The following PGR variants were observed in gnomAD, a reference collection of about 807,000 sequenced individuals.
PGR encodes progesterone receptor, also known as nuclear receptor subfamily 3 group C member 3.
Under a neutral mutation model 76.1 loss-of-function variants are expected in PGR, and 25 were observed. The observed-to-expected ratio is 0.33, with a 90% confidence interval of 0.24 to 0.46. The LOEUF (loss-of-function observed/expected upper bound fraction) is 0.46, where lower values mean the gene tolerates loss of function less well. Among genes scored for constraint, PGR ranks in the 20% least tolerant of loss-of-function variants. PGR has a pLI of 1.00. For missense variants in PGR, 1,172 were observed against 1,225.3 expected (o/e 0.96, Z 0.65); for synonymous variants, 579 against 535.0 (o/e 1.08, Z -1.14).
At chr11:101,060,561 T>C (rs1358695147) in intron 4 of PGR, among the ~76,000 whole-genome samples, 1 of 152,192 alleles carries the variant, frequency 6.6e-6, no homozygotes, top group Non-Finnish European at 1.5e-5. Context: ...CTAAAGTACT[T>C]TCTATACATG....
Position 101,030,917 on chromosome 11 carries a change from C to T in PGR, c.*8199G>A, listed in dbSNP as rs766109494. On this transcript the variant is annotated 3_prime_UTR_variant, in exon 8 of 8. Coordinates refer to ENST00000325455, the MANE Select transcript of PGR (RefSeq NM_000926.4). ...GATGTAGGGCAAAGAGGACAAATGC[C>T]TACATTCTGAGACTGAAAGTTGAAG... 1 of 189,818 alleles carries T rather than the reference C, an allele frequency of 5.3e-6. No individual in the cohort carries two copies. The highest frequency in any genetic ancestry group is 1.1e-5 in the Non-Finnish European group (1 of 90,330). 11.8% of individuals were successfully genotyped at this position (189,818 alleles called of 1,614,324 possible).
chr11:101,096,464 C>T (rs538408583), intron 2 of PGR, among the ~76,000 whole-genome samples: 14 of 152,200 alleles, frequency 9.2e-5, no homozygotes, highest in South Asian at 2.1e-4. Context: ...CAACTAGAGC[C>T]GACTAAGGGA....
rs1267850947 is a variant in PGR, at chr11:101,093,255, CCAGTCCTA to C, written c.1790-1387_1790-1380del. On this transcript the variant is annotated intron_variant, in intron 2 of 7. Transcript: ENST00000325455. ...TTTGCTGACTTTTGTGCACATAGTGCCAGTCCTACAGGAGGTTAGCAGAGTGTACTGCA... is the reference window on the plus strand; with the variant it reads ...TTTGCTGACTTTTGTGCACATAGTGCCAGGAGGTTAGCAGAGTGTACTGCA... Among the ~76,000 whole-genome samples, 55 of 152,158 alleles carry C rather than the reference CCAGTCCTA, an allele frequency of 3.6e-4. 1 individual carries two copies. Among genetic ancestry groups the C allele is most frequent in the Admixed American group, 3.3e-3 (51 of 15,282 alleles).
At position 101,038,369 on chromosome 11, in the gene PGR, T is replaced by C. The variant is rs1008486373; in HGVS notation, c.*747A>G. Reference sequence around the variant, plus strand: ...TAGGCCATAATCTTCTGATTTCTTATGTCCACTCGCAATACCTCATTAGAG... The same window carrying C: ...TAGGCCATAATCTTCTGATTTCTTACGTCCACTCGCAATACCTCATTAGAG... On this transcript the variant is annotated 3_prime_UTR_variant, in exon 8 of 8. Coordinates refer to ENST00000325455, the MANE Select transcript of PGR (RefSeq NM_000926.4). 5 of 211,204 alleles carry C rather than the reference T, an allele frequency of 2.4e-5. No individual in the cohort carries two copies. Among genetic ancestry groups the C allele is most frequent in the Non-Finnish European group, 3.8e-5 (4 of 104,032 alleles). The allele number at this position is 211,204 out of a possible 1,614,324, so 13.1% of individuals were successfully genotyped here.
intron 4 of PGR, among the ~76,000 whole-genome samples, chr11:101,061,021 AG>A (rs1237461098): frequency 1.3e-5 from 2 of 152,218 alleles, no homozygotes; most frequent in Non-Finnish European, 2.9e-5. Context: ...TAAATAGTAA[AG>A]AACCTCCAAA....
intron 2 of PGR, among the ~76,000 whole-genome samples, chr11:101,112,753 T>C (rs1052197101): frequency 6.6e-6 from 1 of 152,190 alleles, no homozygotes; most frequent in Non-Finnish European, 1.5e-5. Context: ...AGCTAGCAAG[T>C]ATCTACTCTC....
At chr11:101,099,173 C>A (rs1861923913) in intron 2 of PGR, among the ~76,000 whole-genome samples, 1 of 152,174 alleles carries the variant, frequency 6.6e-6, no homozygotes, top group Admixed American at 6.5e-5. Context: ...CCCAAATGAT[C>A]ACCTACAGCA....
chr11:101,070,489 T>C (rs1282333595), intron 3 of PGR, among the ~76,000 whole-genome samples: 2 of 152,048 alleles, frequency 1.3e-5, no homozygotes, highest in Non-Finnish European at 2.9e-5. Context: ...TTCACTCCCC[T>C]GGAAGGGGGG....
chr11:101,099,603 G>A (rs986458077), intron 2 of PGR, among the ~76,000 whole-genome samples: 1 of 152,164 alleles, frequency 6.6e-6, no homozygotes, highest in South Asian at 2.1e-4. Flanking sequence ...AGAGTATTGT[G>A]ATCCAACAGA....
intron 3 of PGR, among the ~76,000 whole-genome samples, chr11:101,089,146 C>T (rs777199608): frequency 6.6e-6 from 1 of 152,058 alleles, no homozygotes; most frequent in Non-Finnish European, 1.5e-5. Context: ...ACCCAGGTAA[C>T]AAACCTGCAC....
chr11:101,062,629 G>C lies in PGR; in HGVS notation c.2030C>G (p.Pro677Arg). ...TGGAATCAACTGTATGTCTTGACCT[G>C]GTGAAAAAGTGAATCTCTGGCTTAG... Reference protein sequence around the residue: ...QALSQRFTFSPGQDIQLIPPL... With the variant: ...QALSQRFTFSRGQDIQLIPPL... Residue 677 changes from proline to arginine, a missense_variant, in exon 4 of 8, where the codon CCA becomes CGA. This residue lies in a region of PGR where 73 missense variants were observed against 60.7 expected (regional missense o/e 1.20). Coordinates refer to ENST00000325455, the MANE Select transcript of PGR (RefSeq NM_000926.4). The C allele has an allele frequency of 1.2e-6, 2 of 1,613,986 alleles. No homozygotes were observed. The highest frequency in any genetic ancestry group is 1.7e-6 in the Non-Finnish European group (2 of 1,179,948).
rs1859543743 is a variant in PGR, at chr11:101,037,268, G to A, written c.*1848C>T. On this transcript the variant is annotated 3_prime_UTR_variant, in exon 8 of 8. Transcript: ENST00000325455. ...AATGTTTTGCACCTACCTAGTATAC[G>A]TTGAGTGTACAAATATTAAAATGCC... The A allele has an allele frequency of 4.7e-6, 1 of 211,912 alleles. No individual in the cohort carries two copies. The highest frequency in any genetic ancestry group is 2.3e-5 in the African/African-American group (1 of 44,268). 13.1% of individuals were successfully genotyped at this position (211,912 alleles called of 1,614,324 possible). A position where few individuals can be genotyped will look rare whatever the true frequency, so the allele number is the denominator to read the frequency against.
At chr11:101,106,363 A>G (rs1043146639) in intron 2 of PGR, among the ~76,000 whole-genome samples, 1 of 152,226 alleles carries the variant, frequency 6.6e-6, no homozygotes, top group Non-Finnish European at 1.5e-5. Context: ...TCTAGAAGGA[A>G]CTTAAATTTA....
At chr11:101,059,660 C>A (rs1156577295) in intron 4 of PGR, among the ~76,000 whole-genome samples, 1 of 151,222 alleles carries the variant, frequency 6.6e-6, no homozygotes, top group East Asian at 1.9e-4. Flanking sequence ...ACAGTTAAAC[C>A]CAATTTCAAC....
At chr11:101,084,215 T>C (rs952708730) in intron 3 of PGR, among the ~76,000 whole-genome samples, 10 of 152,200 alleles carry the variant, frequency 6.6e-5, no homozygotes, top group African/African-American at 2.4e-4. Flanking sequence ...CTGCCTTGAT[T>C]GTAAGTTTCC....
At position 101,035,111 on chromosome 11, in the gene PGR, T is replaced by A. The variant is rs1004422971; in HGVS notation, c.*4005A>T. 3.8e-4 allele frequency: 79 copies of A among 209,368 alleles called. 3 individuals are homozygous for A. In the Admixed American group the frequency reaches 4.7e-3, roughly 12 times the overall value. The allele number at this position is 209,368 out of a possible 1,614,324, so 13.0% of individuals were successfully genotyped here. A position where few individuals can be genotyped will look rare whatever the true frequency, so the allele number is the denominator to read the frequency against. ...GAAATTTCCCACATCCAATGGCTAT[T>A]GAACAGGCATACTTTGGGAAAAACA... On this transcript the variant is annotated 3_prime_UTR_variant, in exon 8 of 8. Coordinates refer to ENST00000325455, the MANE Select transcript of PGR (RefSeq NM_000926.4).
intron 3 of PGR, among the ~76,000 whole-genome samples, chr11:101,078,919 G>C (rs572067275): frequency 6.6e-6 from 1 of 152,028 alleles, no homozygotes; most frequent in South Asian, 2.1e-4. Flanking sequence ...GCATGATATT[G>C]GTATAAAAAC....
At chr11:101,047,390 A>AAAAC (rs1271181634) in intron 6 of PGR, among the ~76,000 whole-genome samples, 1 of 152,178 alleles carries the variant, frequency 6.6e-6, no homozygotes, top group Non-Finnish European at 1.5e-5. Flanking sequence ...GTATTATTAA[A>AAAAC]TGTATTCCAG....
At chr11:101,108,620 C>T (rs938541935) in intron 2 of PGR, among the ~76,000 whole-genome samples, 8 of 152,222 alleles carry the variant, frequency 5.3e-5, no homozygotes, top group East Asian at 1.9e-4. Context: ...TTAGTGAAAG[C>T]GGTTTAATTT....
Sources: allele counts gnomAD v4.1 joint callset (sites outside exome capture counted in the v4.1 genomes callset), GRCh38; gene constraint gnomAD v4.1.1; regional missense constraint gnomAD v4.1.1; transcripts MANE v1.5; gene names NCBI Gene and HGNC (gene_info 2026-07-23, HGNC 2026-07-21).